MAST4: variants seen among roughly 807,000 people sequenced by gnomAD.
The protein encoded by MAST4 is microtubule-associated serine/threonine-protein kinase 4.
A neutral mutation model predicts 162.7 loss-of-function variants in MAST4; 89 were observed. The observed-to-expected ratio is 0.55, with a 90% CI of 0.46 to 0.65. The LOEUF (loss-of-function observed/expected upper bound fraction) is 0.65, where lower values mean the gene tolerates loss of function less well. Among genes scored for constraint, MAST4 ranks in the 30% least tolerant of loss-of-function variants. The probability of loss-of-function intolerance (pLI) is 0.00; values close to 1 mark genes in which losing one functional copy is unlikely to be tolerated. For missense variants in MAST4, 3,153 were observed against 3,374.0 expected (o/e 0.93, Z 1.62); for synonymous variants, 1,479 against 1,361.1 (o/e 1.09, Z -1.91).
chr5:66,766,326 A>G (rs867665309), intron 2 of MAST4, among the ~76,000 whole-genome samples: 1 of 152,160 alleles, frequency 6.6e-6, no homozygotes. Context: ...AAAGACAAAA[A>G]TCTATATATA....
In MAST4 at chr5:67,167,004, C is replaced by CG. The variant is rs1774120764; in HGVS notation, c.7830dup (p.Lys2611GlufsTer6). 3.1e-6 allele frequency: 5 copies of CG among 1,607,474 alleles called. No homozygotes were observed. The highest frequency in any genetic ancestry group is 1.3e-5 in the African/African-American group (1 of 74,636). Reference sequence around the variant, plus strand: ...GAAGGACTTTGTGGTACGGCAGAGGCGGGGGAAAGAGAGTTTGCGTAGCAG... The same window carrying CG: ...GAAGGACTTTGTGGTACGGCAGAGGCGGGGGGAAAGAGAGTTTGCGTAGCAG... On this transcript the variant is annotated frameshift_variant, in exon 29 of 29. Transcript: ENST00000403625. LOFTEE classifies it high-confidence loss of function.
chr5:66,638,408 C>T (rs765501330), intron 1 of MAST4, among the ~76,000 whole-genome samples: 6 of 152,144 alleles, frequency 3.9e-5, no homozygotes, highest in Non-Finnish European at 7.4e-5. Flanking sequence ...TCACTCCTGC[C>T]TCTCTCCCCT....
chr5:66,751,056 G>T (rs969387541), intron 1 of MAST4, among the ~76,000 whole-genome samples: 2 of 151,924 alleles, frequency 1.3e-5, no homozygotes, highest in African/African-American at 4.8e-5. Context: ...CACACGGCAG[G>T]GTATTCGAAC....
intron 4 of MAST4, among the ~76,000 whole-genome samples, chr5:67,040,332 A>G (rs1399479188): frequency 2.6e-5 from 4 of 152,186 alleles, no homozygotes. Flanking sequence ...GTGTCTGGCT[A>G]GATCTGTTGG....
rs184294124 is a variant in MAST4 at position 66,700,024 on chromosome 5, A to G, written c.364-59685A>G. On this transcript the variant is annotated intron_variant, in intron 1 of 28. Coordinates refer to ENST00000403625, the MANE Select transcript of MAST4 (RefSeq NM_001164664.2). ...ACAGTGCAGCTGTGATTGTGAAACT[A>G]GCTGCATGGTTGCTATTACCGACAT... Among the ~76,000 whole-genome samples the G allele has an allele frequency of 1.7e-3, 170 of 97,892 alleles. 3 individuals are homozygous for G. In the East Asian group the frequency reaches 0.053, roughly 30 times the overall value. The allele number at this position is 97,892 out of a possible 152,430, so 64.2% of individuals were successfully genotyped here.
intron 4 of MAST4, among the ~76,000 whole-genome samples, chr5:67,022,715 T>C (rs926636736): frequency 1.3e-5 from 2 of 152,156 alleles, no homozygotes; most frequent in African/African-American, 4.8e-5. Context: ...ATACGAAACA[T>C]TACTAAATGC....
At chr5:67,155,184 T>C (rs1205700500) in intron 26 of MAST4, among the ~76,000 whole-genome samples, 2 of 152,340 alleles carry the variant, frequency 1.3e-5, no homozygotes, top group South Asian at 2.1e-4. Context: ...TTGTTTACCT[T>C]CACAACTTCA....
At chr5:66,824,459 C>T (rs372464951) in intron 3 of MAST4, among the ~76,000 whole-genome samples, 1 of 152,186 alleles carries the variant, frequency 6.6e-6, no homozygotes, top group Non-Finnish European at 1.5e-5. Context: ...GGCAGTTCAG[C>T]GAGAGCTGCT....
At chr5:66,658,822 G>A (rs1339236597) in intron 1 of MAST4, among the ~76,000 whole-genome samples, 1 of 152,086 alleles carries the variant, frequency 6.6e-6, no homozygotes, top group Non-Finnish European at 1.5e-5. Context: ...AGGAGTTCCA[G>A]ACTAGCCTGA....
intron 1 of MAST4, among the ~76,000 whole-genome samples, chr5:66,696,405 A>T (rs1255768686): frequency 6.6e-6 from 1 of 151,956 alleles, no homozygotes; most frequent in East Asian, 1.9e-4. Flanking sequence ...TTTAGGCTTT[A>T]GCACCTCCTA....
chr5:66,596,536 T>A lies in MAST4; in HGVS notation c.-120T>A, dbSNP rs565284224. 1,057 of 1,200,716 alleles carry A rather than the reference T, an allele frequency of 8.8e-4. No individual in the cohort carries two copies. Among genetic ancestry groups the A allele is most frequent in the Non-Finnish European group, 1.0e-3 (982 of 946,424 alleles). 74.4% of individuals were successfully genotyped at this position (1,200,716 alleles called of 1,614,324 possible). ...CCATGTAGTCGCTGGCGGGGCTCCC[T>A]GCAGCCCGGGAGCGGCAGTGCCAGT... On this transcript the variant is annotated 5_prime_UTR_variant, in exon 1 of 29. Coordinates refer to ENST00000403625, the MANE Select transcript of MAST4 (RefSeq NM_001164664.2).
rs143757097 is a variant in MAST4 at position 67,128,227 on chromosome 5, TAATATC to T, written c.1746-1980_1746-1975del. Among the ~76,000 whole-genome samples, 947 of 152,320 alleles carry T rather than the reference TAATATC, an allele frequency of 6.2e-3. 15 individuals are homozygous for T. The highest frequency in any genetic ancestry group is 0.022 in the African/African-American group (895 of 41,574). ...AATATTTGTTTAAATTAGTTAATCT[TAATATC>T]AAATCTGGCCAGCAAAACAGGTGTG... On this transcript the variant is annotated intron_variant, in intron 14 of 28. Transcript: ENST00000403625.
At chr5:67,068,629 G>A (rs1760533377) in intron 5 of MAST4, among the ~76,000 whole-genome samples, 1 of 152,264 alleles carries the variant, frequency 6.6e-6, no homozygotes, top group Middle Eastern at 3.4e-3. Context: ...AAGAACTTGG[G>A]TCCCCCACTT....
At chr5:67,120,353 C>A (rs1767423838) in intron 13 of MAST4, among the ~76,000 whole-genome samples, 1 of 152,212 alleles carries the variant, frequency 6.6e-6, no homozygotes. Flanking sequence ...ATTCTGGACT[C>A]TTGCAGAGGG....
intron 5 of MAST4, among the ~76,000 whole-genome samples, chr5:67,078,920 A>ATATATAT (rs1762203324): frequency 2.9e-5 from 2 of 68,134 alleles, no homozygotes; most frequent in African/African-American, 1.6e-4. Context: ...AAATATATAT[A>ATATATAT]TATATATATA....
intron 1 of MAST4, among the ~76,000 whole-genome samples, chr5:66,673,515 T>A (rs992535334): frequency 1.5e-5 from 2 of 137,592 alleles, no homozygotes; most frequent in African/African-American, 6.0e-5. Flanking sequence ...TAGTTTTTTT[T>A]GTTTTTTGTT....
intron 4 of MAST4, among the ~76,000 whole-genome samples, chr5:66,933,583 T>C (rs915287271): frequency 6.6e-6 from 1 of 152,166 alleles, no homozygotes; most frequent in African/African-American, 2.4e-5. Context: ...TGTGTGCATG[T>C]TGCTCTCTCA....
intron 1 of MAST4, among the ~76,000 whole-genome samples, chr5:66,661,378 C>T (rs1030446621): frequency 2.0e-5 from 3 of 152,262 alleles, no homozygotes; most frequent in Non-Finnish European, 4.4e-5. Context: ...GACATGCTCC[C>T]GCTGTCTGCT....
chr5:66,960,629 C>G (rs1745897312), intron 4 of MAST4, among the ~76,000 whole-genome samples: 1 of 152,188 alleles, frequency 6.6e-6, no homozygotes, highest in South Asian at 2.1e-4. Context: ...TAACCTCCCG[C>G]TTTGCTTTTG....
Sources: allele counts gnomAD v4.1 joint callset (sites outside exome capture counted in the v4.1 genomes callset), GRCh38; gene constraint gnomAD v4.1.1; transcripts MANE v1.5; gene names NCBI Gene and HGNC (gene_info 2026-07-23, HGNC 2026-07-21).